Variants in GABRB2 observed in about 807,000 individuals in gnomAD.
GABRB2 encodes the protein gamma-aminobutyric acid receptor subunit beta-2.
GABRB2 carries 16 observed loss-of-function variants against 54.7 expected under a neutral mutation model. The observed-to-expected ratio is 0.29, with a 90% CI of 0.20 to 0.44. The LOEUF is 0.44. Among genes scored for constraint, GABRB2 ranks in the 20% least tolerant of loss-of-function variants. The probability of loss-of-function intolerance (pLI) is 1.00; values close to 1 mark genes in which losing one functional copy is unlikely to be tolerated. For synonymous variants in GABRB2, 244 were observed against 233.8 expected (o/e 1.04, Z -0.40); for missense variants, 355 against 644.0 (o/e 0.55, Z 4.86).
intron 3 of GABRB2, among the ~76,000 whole-genome samples, chr5:161,518,831 A>AAATT (rs1760030236): frequency 6.6e-6 from 1 of 152,256 alleles, no homozygotes; most frequent in Non-Finnish European, 1.5e-5. Flanking sequence ...TGCAATTTAT[A>AAATT]AATTAATATC....
At chr5:161,485,989 C>G (rs541030615) in intron 3 of GABRB2, among the ~76,000 whole-genome samples, 3 of 151,948 alleles carry the variant, frequency 2.0e-5, no homozygotes, top group East Asian at 3.9e-4. Context: ...TGCTTGAGCA[C>G]CTAGTCTCAG....
At chr5:161,545,541 C>T (rs923014193) in intron 2 of GABRB2, among the ~76,000 whole-genome samples, 2 of 151,826 alleles carry the variant, frequency 1.3e-5, no homozygotes, top group Non-Finnish European at 2.9e-5. Flanking sequence ...GCTCTGTCTA[C>T]ATATGCATAT....
chr5:161,418,239 T>C (rs1756739189), intron 4 of GABRB2, among the ~76,000 whole-genome samples: 2 of 152,228 alleles, frequency 1.3e-5, no homozygotes, highest in Non-Finnish European at 2.9e-5. Context: ...AAAATATTAA[T>C]AGATATAGAT....
chr5:161,364,036 T>C (rs937391516), intron 5 of GABRB2, among the ~76,000 whole-genome samples: 2 of 152,206 alleles, frequency 1.3e-5, no homozygotes, highest in Admixed American at 6.5e-5. Flanking sequence ...AATCACATAG[T>C]ATTTTCAAAA....
At chr5:161,434,015 A>T (rs1357757175) in intron 4 of GABRB2, among the ~76,000 whole-genome samples, 1 of 152,120 alleles carries the variant, frequency 6.6e-6, no homozygotes, top group Non-Finnish European at 1.5e-5. Flanking sequence ...GAAATGTCTC[A>T]TTATCTTTTC....
intron 3 of GABRB2, among the ~76,000 whole-genome samples, chr5:161,461,786 G>C (rs1362135868): frequency 4.6e-5 from 7 of 152,166 alleles, no homozygotes; most frequent in African/African-American, 1.7e-4. Context: ...TGAGAGGCTA[G>C]AGCAGTGCCC....
chr5:161,339,656 C>A (rs1209549867), intron 5 of GABRB2, among the ~76,000 whole-genome samples: 1 of 152,050 alleles, frequency 6.6e-6, no homozygotes, highest in Non-Finnish European at 1.5e-5. Flanking sequence ...CACTTCACTT[C>A]CATTATCTCA....
At chr5:161,326,336 C>T in intron 9 of GABRB2, 32 bp downstream of exon 9, 1 of 1,607,264 alleles carries the variant, frequency 6.2e-7, no homozygotes, top group Non-Finnish European at 8.5e-7. Context: ...AACAGAAATA[C>T]AAATAAATGG....
intron 3 of GABRB2, among the ~76,000 whole-genome samples, chr5:161,479,643 G>A (rs887502332): frequency 2.0e-5 from 3 of 146,464 alleles, no homozygotes; most frequent in Non-Finnish European, 4.5e-5. Context: ...TGGGGTGAGT[G>A]CAGTGGCACA....
At chr5:161,364,600 T>C (rs115520707) in intron 5 of GABRB2, among the ~76,000 whole-genome samples, 1 of 152,198 alleles carries the variant, frequency 6.6e-6, no homozygotes, top group Non-Finnish European at 1.5e-5. Context: ...TCATATTTGG[T>C]TGTACTTCCC....
At chr5:161,454,948 T>C (rs1427011808) in intron 4 of GABRB2, among the ~76,000 whole-genome samples, 1 of 152,182 alleles carries the variant, frequency 6.6e-6, no homozygotes, top group Non-Finnish European at 1.5e-5. Flanking sequence ...AAGGAATAAC[T>C]AAGAGTATGC....
intron 5 of GABRB2, among the ~76,000 whole-genome samples, chr5:161,390,888 A>C (rs1030363460): frequency 1.5e-4 from 23 of 152,002 alleles, no homozygotes; most frequent in African/African-American, 5.1e-4. Flanking sequence ...AAAACGGTTA[A>C]ACATATTATA....
intron 5 of GABRB2, among the ~76,000 whole-genome samples, chr5:161,360,349 A>C (rs955775016): frequency 6.6e-6 from 1 of 152,228 alleles, no homozygotes; most frequent in African/African-American, 2.4e-5. Context: ...TTTGTATATA[A>C]GAAGGTTCAG....
At chr5:161,297,866 C>G (rs1023159062) in intron 9 of GABRB2, among the ~76,000 whole-genome samples, 1 of 152,164 alleles carries the variant, frequency 6.6e-6, no homozygotes, top group Non-Finnish European at 1.5e-5. Flanking sequence ...ACACTGTCTT[C>G]CACAATGGTT....
At chr5:161,538,359 C>G (rs1760708088) in intron 3 of GABRB2, among the ~76,000 whole-genome samples, 1 of 152,066 alleles carries the variant, frequency 6.6e-6, no homozygotes, top group South Asian at 2.1e-4. Flanking sequence ...AAATATAAAC[C>G]ATTTGAAATA....
intron 5 of GABRB2, among the ~76,000 whole-genome samples, chr5:161,406,623 T>C (rs1027165874): frequency 6.6e-6 from 1 of 152,040 alleles, no homozygotes; most frequent in Non-Finnish European, 1.5e-5. Flanking sequence ...TCATGTGAGC[T>C]TCATAACAAT....
intron 3 of GABRB2, among the ~76,000 whole-genome samples, chr5:161,484,285 A>T (rs1758852389): frequency 6.6e-6 from 1 of 152,132 alleles, no homozygotes; most frequent in Non-Finnish European, 1.5e-5. Flanking sequence ...GGTATCTACC[A>T]TTCACTCTAA....
intron 5 of GABRB2, among the ~76,000 whole-genome samples, chr5:161,366,924 G>A (rs1754989553): frequency 6.6e-6 from 1 of 152,110 alleles, no homozygotes; most frequent in East Asian, 1.9e-4. Context: ...CTCCAGCCTG[G>A]GCAACAGAGA....
chr5:161,379,981 C>G (rs572323302), intron 5 of GABRB2, among the ~76,000 whole-genome samples: 2 of 152,250 alleles, frequency 1.3e-5, no homozygotes, highest in South Asian at 2.1e-4. Context: ...CAGCAATAAA[C>G]TGAGGGTCCT....
Sources: gnomAD v4.1 joint callset for allele counts (sites outside exome capture counted in the v4.1 genomes callset) on GRCh38, gnomAD v4.1.1 for gene constraint, MANE v1.5 for transcripts, NCBI Gene and HGNC (gene_info 2026-07-23, HGNC 2026-07-21) for gene names.